The following SMARCA1 variants were observed in gnomAD, a reference collection of about 807,000 sequenced individuals.
SMARCA1 encodes SNF2 related chromatin remodeling ATPase 1, also known as SWI/SNF-related matrix-associated actin-dependent regulator of chromatin subfamily A member 1.
A neutral mutation model predicts 93.6 loss-of-function variants in SMARCA1; 17 were observed. The observed-to-expected ratio is 0.18, with a 90% CI of 0.12 to 0.27. The LOEUF is 0.27. Among genes scored for constraint, SMARCA1 ranks in the 10% least tolerant of loss-of-function variants. The pLI, the probability that SMARCA1 is intolerant of heterozygous loss-of-function variation, is 1.00. For missense variants in SMARCA1, 630 were observed against 819.0 expected (o/e 0.77, Z 2.82); for synonymous variants, 271 against 271.4 (o/e 1.00, Z 0.01).
chrX:129,488,286 C>CAAA (rs34476497), intron 16 of SMARCA1, among the ~76,000 whole-genome samples: 177 of 46,638 alleles, frequency 3.8e-3, no homozygotes, highest in East Asian at 0.018. Flanking sequence ...TAGTCCAGTG[C>CAAA]AAAAAAAAAA....
intron 19 of SMARCA1, among the ~76,000 whole-genome samples, chrX:129,477,019 G>A (rs1933417125): frequency 9.0e-6 from 1 of 111,591 alleles, no homozygotes. Flanking sequence ...TAAATCCTCA[G>A]CTAAGCATGC....
At chrX:129,515,450 C>A (rs1158837346) in intron 5 of SMARCA1, among the ~76,000 whole-genome samples, 1 of 110,737 alleles carries the variant, frequency 9.0e-6, no homozygotes, top group African/African-American at 3.3e-5. Context: ...ATCGCTTGAA[C>A]CCAGGAAGTC....
At chrX:129,503,760 G>A (rs1349779857) in intron 9 of SMARCA1, among the ~76,000 whole-genome samples, 6 of 110,394 alleles carry the variant, frequency 5.4e-5, no homozygotes, top group Admixed American at 3.8e-4. Flanking sequence ...TCAGGAGTTC[G>A]AGACCAGCCT....
At chrX:129,475,108 TA>T (rs202047039) in intron 19 of SMARCA1, among the ~76,000 whole-genome samples, 23 of 107,186 alleles carry the variant, frequency 2.1e-4, no homozygotes, top group African/African-American at 7.7e-4. Flanking sequence ...ACACCTCCTA[TA>T]AAAAAAAACC....
At chrX:129,477,559 A>C (rs761512420) in intron 19 of SMARCA1, among the ~76,000 whole-genome samples, 5 of 110,859 alleles carry the variant, frequency 4.5e-5, no homozygotes, top group Non-Finnish European at 9.4e-5. Context: ...CTGTCTCAAA[A>C]AAAAATTGTA....
At chrX:129,471,971 G>A (rs1602667901) in intron 19 of SMARCA1, among the ~76,000 whole-genome samples, 1 of 112,154 alleles carries the variant, frequency 8.9e-6, no homozygotes, top group East Asian at 2.8e-4. Context: ...CATATATGGT[G>A]TTTTGGGTAC....
chrX:129,501,940 C>T (rs1934582272), intron 9 of SMARCA1, among the ~76,000 whole-genome samples: 1 of 111,752 alleles, frequency 8.9e-6, no homozygotes, highest in African/African-American at 3.3e-5. Context: ...GATAATGATA[C>T]CTATTTCCAA....
At chrX:129,478,062 T>G (rs1933466214) in intron 19 of SMARCA1, among the ~76,000 whole-genome samples, 1 of 111,613 alleles carries the variant, frequency 9.0e-6, no homozygotes. Context: ...TTCACTTAGC[T>G]CATTCACATC....
chrX:129,504,548 A>AG, intron 9 of SMARCA1, among the ~76,000 whole-genome samples, 186 bp downstream of exon 9: 1 of 79,382 alleles, frequency 1.3e-5, no homozygotes, highest in African/African-American at 5.3e-5. Flanking sequence ...ACATAGAGGA[A>AG]TAAAAAAAAA....
chrX:129,518,573 G>A (rs886384304), intron 1 of SMARCA1, 126 bp from the exon 2 acceptor site: 2 of 392,654 alleles, frequency 5.1e-6, no homozygotes, highest in African/African-American at 5.2e-5. Flanking sequence ...TGTGGGACAT[G>A]TATGGACCAA....
intron 23 of SMARCA1, among the ~76,000 whole-genome samples, chrX:129,456,202 A>T (rs1015707945): frequency 1.5e-4 from 17 of 111,748 alleles, no homozygotes; most frequent in African/African-American, 5.5e-4. Context: ...TAGCTCTAGA[A>T]CTGGAACAAC....
chrX:129,480,912 AC>A, intron 18 of SMARCA1, 98 bp from the exon 19 acceptor site: 1 of 606,584 alleles, frequency 1.6e-6, no homozygotes, highest in Non-Finnish European at 2.6e-6. Context: ...AACAATAAAT[AC>A]AATAAAATCC....
rs1460294855 is a variant in SMARCA1 at position 129,523,185 on chromosome X, C to T, written c.174+12G>A. 1.7e-6 allele frequency: 2 copies of T among 1,210,459 alleles called. No individual in the cohort carries two copies. The highest frequency in any genetic ancestry group is 2.2e-6 in the Non-Finnish European group (2 of 894,475). Reference sequence around the variant, plus strand: ...GATTTGTCCACCACACACACACCCCCTTCCTATTTACCTCCTTCTTCTTCT... The same window carrying T: ...GATTTGTCCACCACACACACACCCCTTTCCTATTTACCTCCTTCTTCTTCT... On this transcript the variant is annotated intron_variant, in intron 1 of 24. Coordinates refer to ENST00000371121, the MANE Select transcript of SMARCA1 (RefSeq NM_001282874.2).
At chrX:129,503,759 C>T (rs1029147929) in intron 9 of SMARCA1, among the ~76,000 whole-genome samples, 3 of 110,203 alleles carry the variant, frequency 2.7e-5, no homozygotes, top group Non-Finnish European at 5.7e-5. Flanking sequence ...GTCAGGAGTT[C>T]GAGACCAGCC....
intron 10 of SMARCA1, among the ~76,000 whole-genome samples, chrX:129,499,083 C>G (rs1391500580): frequency 9.0e-6 from 1 of 111,076 alleles, no homozygotes; most frequent in Non-Finnish European, 1.9e-5. Flanking sequence ...TGTTGCCTAC[C>G]CTGGAGTGCA....
At chrX:129,520,875 T>TTTTA (rs1220411953) in intron 1 of SMARCA1, among the ~76,000 whole-genome samples, 2 of 111,375 alleles carry the variant, frequency 1.8e-5, no homozygotes, top group South Asian at 3.8e-4. Flanking sequence ...GACAGAAAAT[T>TTTTA]TTTATTTATT....
At chrX:129,475,505 T>G (rs1933340803) in intron 19 of SMARCA1, among the ~76,000 whole-genome samples, 1 of 109,967 alleles carries the variant, frequency 9.1e-6, no homozygotes. Flanking sequence ...AGCAAGAGAG[T>G]GAGACTCCGT....
chrX:129,475,292 G>A (rs140894533), intron 19 of SMARCA1, among the ~76,000 whole-genome samples: 1,990 of 110,219 alleles, frequency 0.018, 57 homozygotes, highest in African/African-American at 0.061. Flanking sequence ...GTCAAGGCGG[G>A]TGGATCACCT....
At chrX:129,504,549 T>TAAAAAGAAAAAA (rs1934706775) in intron 9 of SMARCA1, among the ~76,000 whole-genome samples, 185 bp downstream of exon 9, 1 of 24,214 alleles carries the variant, frequency 4.1e-5, no homozygotes, top group Non-Finnish European at 7.2e-5. Context: ...CATAGAGGAA[T>TAAAAAGAAAAAA]AAAAAAAAAA....
Sources: gnomAD v4.1 joint callset for allele counts (sites outside exome capture counted in the v4.1 genomes callset) on GRCh38, gnomAD v4.1.1 for gene constraint, MANE v1.5 for transcripts, NCBI Gene and HGNC (gene_info 2026-07-23, HGNC 2026-07-21) for gene names.